The following PLAUR variants were observed in gnomAD, a reference collection of about 807,000 sequenced individuals.
The protein encoded by PLAUR is urokinase plasminogen activator surface receptor.
Under a neutral mutation model 33.4 loss-of-function variants are expected in PLAUR, and 22 were observed. The observed-to-expected ratio is 0.66, with a 90% CI of 0.47 to 0.94. PLAUR has a LOEUF of 0.94. Ranked by LOEUF, PLAUR falls within the 40% of genes least tolerant of loss-of-function variation. The pLI, the probability that PLAUR is intolerant of heterozygous loss-of-function variation, is 0.00. For synonymous variants in PLAUR, 148 were observed against 167.3 expected, an observed-to-expected ratio of 0.88 and a Z score of 0.89; for missense variants, 408 against 434.7, an observed-to-expected ratio of 0.94 and a Z score of 0.55.
chr19:43,647,645 A>G (rs546977606), downstream of PLAUR, among the ~76,000 whole-genome samples: 16 of 152,218 alleles, frequency 1.1e-4, no homozygotes, highest in Middle Eastern at 3.4e-3. Flanking sequence ...TGTCTCTACT[A>G]AAAATACAAA....
chr19:43,655,288 A>AAC (rs1372020551), intron 5 of PLAUR, 151 bp downstream of exon 5: 1 of 710,888 alleles, frequency 1.4e-6, no homozygotes, highest in African/African-American at 1.8e-5. Flanking sequence ...AAAAAAAAAA[A>AAC]AAAAAAAAAA....
intron 5 of PLAUR, among the ~76,000 whole-genome samples, chr19:43,654,563 C>T (rs1289236006): frequency 1.3e-5 from 2 of 151,980 alleles, no homozygotes; most frequent in African/African-American, 4.8e-5. Context: ...AGCAAGACCC[C>T]ATCTCTACCA....
intron 3 of PLAUR, among the ~76,000 whole-genome samples, chr19:43,658,186 C>A (rs908437811): frequency 6.6e-6 from 1 of 152,166 alleles, no homozygotes; most frequent in African/African-American, 2.4e-5. Context: ...CTGGGGCAAG[C>A]AGCAGCCATG....
At chr19:43,668,173 C>T in intron 1 of PLAUR, 2 of 988,250 alleles carry the variant, frequency 2.0e-6, no homozygotes, top group Non-Finnish European at 1.2e-6. Context: ...TCCACTCACT[C>T]CCCCTGGTTC....
At chr19:43,659,612 C>T (rs1477073341) in intron 3 of PLAUR, among the ~76,000 whole-genome samples, 4 of 152,182 alleles carry the variant, frequency 2.6e-5, no homozygotes, top group Non-Finnish European at 5.9e-5. Context: ...CTCTTCGAGG[C>T]CCCATGGCTA....
chr19:43,647,742 T>C (rs2146182244), downstream of PLAUR, among the ~76,000 whole-genome samples: 1 of 151,358 alleles, frequency 6.6e-6, no homozygotes, highest in African/African-American at 2.4e-5. Context: ...GAGGTGGAGG[T>C]TGTGGTGAGC....
In PLAUR at chr19:43,659,871, T is replaced by C. The variant is rs1974372896; in HGVS notation, c.311-3231A>G. Reference sequence around the variant, plus strand: ...CTGCCGAGTTCTTCATTTGAGTCACTGTTCTATATTTTCTGTTGGACTCTT... The same window carrying C: ...CTGCCGAGTTCTTCATTTGAGTCACCGTTCTATATTTTCTGTTGGACTCTT... On this transcript the variant is annotated intron_variant, in intron 3 of 6. Coordinates refer to ENST00000340093, the MANE Select transcript of PLAUR (RefSeq NM_002659.4). Among the ~76,000 whole-genome samples, 3 of 152,346 alleles carry C rather than the reference T, an allele frequency of 2.0e-5. No individual in the cohort carries two copies. The South Asian group carries it at 6.2e-4, about 32-fold the overall frequency.
chr19:43,647,767 T>C (rs1973847393), downstream of PLAUR, among the ~76,000 whole-genome samples: 1 of 151,750 alleles, frequency 6.6e-6, no homozygotes, highest in Non-Finnish European at 1.5e-5. Flanking sequence ...ATTGTGTCAT[T>C]GCACTCCAGC....
intron 3 of PLAUR, among the ~76,000 whole-genome samples, chr19:43,662,248 A>G (rs1259575894): frequency 6.6e-6 from 1 of 151,874 alleles, no homozygotes; most frequent in African/African-American, 2.4e-5. Context: ...CTGTAATCCC[A>G]GCACTTTGGG....
rs551228870 is a variant in PLAUR at position 43,668,316 on chromosome 19, T to C, written c.56-625A>G. 9 of 986,362 alleles carry C rather than the reference T, an allele frequency of 9.1e-6. No homozygotes were observed. In the African/African-American group the frequency reaches 1.2e-4, roughly 13 times the overall value. The allele number at this position is 986,362 out of a possible 1,614,324, so 61.1% of individuals were successfully genotyped here. ...AAGTTCTGTCTCCGCCCTCCAGCTC[T>C]CCAACTAGGTTTTGGCCCCGCTCCA... On this transcript the variant is annotated intron_variant, in intron 1 of 6. Coordinates refer to ENST00000340093, the MANE Select transcript of PLAUR (RefSeq NM_002659.4).
At position 43,665,323 on chromosome 19, in the gene PLAUR, G is replaced by T. The variant is rs371541255; in HGVS notation, c.303C>A (p.Gly101=). 3.1e-6 allele frequency: 5 copies of T among 1,613,944 alleles called. No individual in the cohort carries two copies. The East Asian group carries it at 1.1e-4, about 36-fold the overall frequency. Residue 101 remains glycine, a synonymous_variant, in exon 3 of 7, where the codon GGC becomes GGA. Transcript: ENST00000340093. ...AAGGGCTGCCCTACTCACCAGAGTT[G>T]CCCTGGTTGCACAAGTCTAACCCAC... is the stretch of plus-strand genomic sequence containing the variant. The part of the protein sequence containing the change: ...VVCGLDLCNQ[G]NSGRAVTYSR...
chr19:43,655,233 C>T (rs1024661283), intron 5 of PLAUR, among the ~76,000 whole-genome samples: 8 of 143,304 alleles, frequency 5.6e-5, no homozygotes, highest in East Asian at 2.2e-4. Context: ...GCGGAGATCA[C>T]GCCATTGCAC....
rs773744640 is a variant in PLAUR, at chr19:43,652,250, T to C, written c.729A>G (p.Gln243=). ...FLIDCRGPMN[Q]CLVATGTHEP... ...CGTGAGTGCCGGTGGCTACCAGACA[T>C]TGATTCATGGGGCCTCGGCAGTCAA... The change falls in exon 6 of 7, where the codon CAA becomes CAG. Residue 243 remains glutamine, a synonymous_variant. Transcript: ENST00000340093. 7 of 1,614,042 alleles carry C rather than the reference T, an allele frequency of 4.3e-6. No homozygotes were observed. In the Admixed American group the frequency reaches 1.0e-4, roughly 23 times the overall value.
Position 43,652,317 on chromosome 19 carries a change from C to T in PLAUR, c.662G>A (p.Gly221Glu). The T allele has an allele frequency of 6.2e-7, 1 of 1,613,984 alleles. No homozygotes were observed. Among genetic ancestry groups the T allele is most frequent in the Middle Eastern group, 1.7e-4 (1 of 6,060 alleles). ...QNGRQCYSCK[G>E]NSTHGCSSEE... ...AGAGGAGCATCCATGGGTGCTGTTC[C>T]CCTTGCAGCTGTAACACTGGCGGCC... The change falls in exon 6 of 7, where the codon GGG becomes GAG. Residue 221 changes from glycine (G) to glutamate (E), a missense_variant. Physicochemically the swap from Gly to Glu is moderately conservative, Grantham distance 98. Transcript: ENST00000340093.
At position 43,652,323 on chromosome 19, in the gene PLAUR, C is replaced by T; in HGVS notation, c.656G>A (p.Cys219Tyr). 6.2e-7 allele frequency: 1 copy of T among 1,614,074 alleles called. No individual in the cohort carries two copies. Among genetic ancestry groups the T allele is most frequent in the Non-Finnish European group, 8.5e-7 (1 of 1,179,962 alleles). The change falls in exon 6 of 7, where the codon TGC (cysteine) becomes TAC (tyrosine). Residue 219 changes from cysteine to tyrosine, a missense_variant. Cys to Tyr is a radical substitution (Grantham distance 194). Coordinates refer to ENST00000340093, the MANE Select transcript of PLAUR (RefSeq NM_002659.4). ...LPQNGRQCYS[C>Y]KGNSTHGCSS... The stretch of plus-strand genomic sequence containing the variant: ...GCATCCATGGGTGCTGTTCCCCTTG[C>T]AGCTGTAACACTGGCGGCCATTCTG...
Position 43,649,108 on chromosome 19 carries a change from C to T in PLAUR, c.790G>A (p.Ala264Thr). ...KNQSYMVRGC[A>T]TASMCQHAHL... ...GCATGTTGGCACATTGAGGCGGTTG[C>T]ACAGCCTCTTACCATATAGCTTTGG... Residue 264 changes from alanine (A) to threonine (T), a missense_variant, in exon 7 of 7, where the codon GCA becomes ACA. Coordinates refer to ENST00000340093, the MANE Select transcript of PLAUR (RefSeq NM_002659.4). 6.2e-7 allele frequency: 1 copy of T among 1,613,844 alleles called. No homozygotes were observed. Among genetic ancestry groups the T allele is most frequent in the Non-Finnish European group, 8.5e-7 (1 of 1,179,706 alleles).
At chr19:43,655,105 C>G (rs1482205423) in intron 5 of PLAUR, among the ~76,000 whole-genome samples, 1 of 151,830 alleles carries the variant, frequency 6.6e-6, no homozygotes, top group East Asian at 1.9e-4. Flanking sequence ...GTGAAACCCC[C>G]ATCTCTACTA....
At chr19:43,669,809 C>CAAAAAAA (rs59728904) in intron 1 of PLAUR, among the ~76,000 whole-genome samples, 1 of 71,192 alleles carries the variant, frequency 1.4e-5, no homozygotes, top group African/African-American at 5.3e-5. Context: ...GAGACTCTGT[C>CAAAAAAA]AAAAAAAAAA....
In PLAUR at chr19:43,649,051, T is replaced by C. The variant is rs764574629; in HGVS notation, c.847A>G (p.Ile283Val). ...HLGDAFSMNHIDVSCCTKSGC... is the reference protein window; with the variant it reads ...HLGDAFSMNHVDVSCCTKSGC... ...CTTTTAGTACAGCAGGAGACATCAA[T>C]GTGGTTCATGCTGAAGGCGTCACCC... The change falls in exon 7 of 7, where the codon ATT (isoleucine) becomes GTT (valine). Residue 283 changes from isoleucine (I) to valine (V), a missense_variant. Transcript: ENST00000340093. 4 of 1,614,156 alleles carry C rather than the reference T, an allele frequency of 2.5e-6. No homozygotes were observed. The highest frequency in any genetic ancestry group is 1.6e-4 in the Middle Eastern group (1 of 6,062).
Sources: gnomAD v4.1 joint callset for allele counts (sites outside exome capture counted in the v4.1 genomes callset) on GRCh38, gnomAD v4.1.1 for gene constraint, MANE v1.5 for transcripts, NCBI Gene and HGNC (gene_info 2026-07-23, HGNC 2026-07-21) for gene names.